Variants in HIF1AN observed in about 807,000 individuals in gnomAD.
The protein encoded by HIF1AN is hypoxia-inducible factor 1-alpha inhibitor.
HIF1AN carries 21 observed loss-of-function variants against 47.7 expected under a neutral mutation model. The observed-to-expected ratio is 0.44, with a 90% CI of 0.31 to 0.63. The LOEUF (loss-of-function observed/expected upper bound fraction) is 0.63. HIF1AN is among the 30% of genes least tolerant of loss of function. The pLI is 0.07. For synonymous variants in HIF1AN, 152 were observed against 155.9 expected (o/e 0.98, Z 0.18); for missense variants, 320 against 432.7 (o/e 0.74, Z 2.31).
chr10:100,556,934 C>G lies in HIF1AN; in HGVS notation c.*8797C>G, dbSNP rs757280165. ...GTTTCCTTAGTGTCTGGAGAGACTA[C>G]AGCAGCAAGGCTTTTCTGATCCTAC... On this transcript the variant is annotated 3_prime_UTR_variant, in exon 8 of 8. Coordinates refer to ENST00000299163, the MANE Select transcript of HIF1AN (RefSeq NM_017902.3). 6.6e-6 allele frequency: 1 copy of G among 152,200 alleles called. No homozygotes were observed. The highest frequency in any genetic ancestry group is 1.5e-5 in the Non-Finnish European group (1 of 68,030). 9.4% of individuals were successfully genotyped at this position (152,200 alleles called of 1,614,324 possible).
rs1440578686 is a variant in HIF1AN at position 100,545,024 on chromosome 10, C to A, written c.651C>A (p.Ile217=). Residue 217 remains isoleucine (I), a synonymous_variant, in exon 4 of 8, where the codon ATC becomes ATA. Transcript: ENST00000299163. ...AGATAAAAGGTTACAAACGATGCAT[C>A]TTATTCCCTCCGGATCAGTTCGAGT... The part of the protein sequence containing the change: ...FAQIKGYKRC[I]LFPPDQFECL... The A allele has an allele frequency of 6.2e-7, 1 of 1,614,088 alleles. No homozygotes were observed. Among genetic ancestry groups the A allele is most frequent in the Non-Finnish European group, 8.5e-7 (1 of 1,180,028 alleles).
chr10:100,543,335 G>A (rs1043506816), intron 3 of HIF1AN, among the ~76,000 whole-genome samples: 2 of 152,064 alleles, frequency 1.3e-5, no homozygotes, highest in South Asian at 2.1e-4. Flanking sequence ...GACTACAGGC[G>A]TAAGCCACCA....
intron 1 of HIF1AN, 75 bp from the exon 2 acceptor site, chr10:100,536,336 G>T: frequency 6.5e-7 from 1 of 1,538,520 alleles, no homozygotes; most frequent in Non-Finnish European, 8.9e-7. Flanking sequence ...AGAAGTAGTT[G>T]GGATCATGGA....
At position 100,540,850 on chromosome 10, in the gene HIF1AN, C is replaced by T. The variant is rs547775565; in HGVS notation, c.577+68C>T. 330 of 1,351,838 alleles carry T rather than the reference C, an allele frequency of 2.4e-4. 2 individuals carry two copies. In the South Asian group the frequency reaches 3.9e-3, roughly 16 times the overall value. The allele number at this position is 1,351,838 out of a possible 1,614,324, so 83.7% of individuals were successfully genotyped here. A position where few individuals can be genotyped will look rare whatever the true frequency, so the allele number is the denominator to read the frequency against. ...ACCTGATTTCTAATCCTGTCTTCAC[C>T]GCTTATTAGCTCCATGACTTTGAAC... On this transcript the variant is annotated intron_variant, in intron 3 of 7. Coordinates refer to ENST00000299163, the MANE Select transcript of HIF1AN (RefSeq NM_017902.3).
At chr10:100,536,234 G>T in intron 1 of HIF1AN, 99 bp downstream of exon 1, 1 of 1,343,714 alleles carries the variant, frequency 7.4e-7, no homozygotes, top group South Asian at 1.4e-5. Context: ...CAGGGCTCTA[G>T]ACTAGGGCCT....
At chr10:100,539,500 G>A (rs1842998888) in intron 2 of HIF1AN, among the ~76,000 whole-genome samples, 1 of 152,214 alleles carries the variant, frequency 6.6e-6, no homozygotes, top group Non-Finnish European at 1.5e-5. Context: ...TCAAGCCAGA[G>A]CTCGGGCTAG....
rs749421411 is a variant in HIF1AN at position 100,536,080 on chromosome 10, C to T, written c.122C>T (p.Pro41Leu). The change falls in exon 1 of 8, where the codon CCC becomes CTC. Residue 41 changes from proline to leucine, a missense_variant. Pro to Leu is a moderately conservative substitution (Grantham distance 98). Around this residue, in one of 2 missense-constraint regions of HIF1AN, gnomAD observed 159 missense variants for 159.9 expected, o/e 0.99. Transcript: ENST00000299163. ...QLRSYSFPTR[P>L]IPRLSQSDPR... is the part of the protein sequence containing the mutation. ...CGCAGTTATAGCTTCCCGACTAGGCCCATTCCGCGTCTGAGTCAGAGCGAC... is the reference window on the plus strand; with the variant it reads ...CGCAGTTATAGCTTCCCGACTAGGCTCATTCCGCGTCTGAGTCAGAGCGAC... 6.2e-7 allele frequency: 1 copy of T among 1,611,434 alleles called. No individual in the cohort carries two copies.
At chr10:100,536,195 G>A (rs939360979) in intron 1 of HIF1AN, 60 bp downstream of exon 1, 2 of 1,479,116 alleles carry the variant, frequency 1.4e-6, no homozygotes, top group Non-Finnish European at 1.8e-6. Context: ...AGAGGTCAGA[G>A]GTGAATGGTG....
rs1389769921 is a variant in HIF1AN at position 100,559,209 on chromosome 10, G to C, written c.*11072G>C. The C allele has an allele frequency of 6.6e-6, 1 of 152,088 alleles. No individual in the cohort carries two copies. 9.4% of individuals were successfully genotyped at this position (152,088 alleles called of 1,614,324 possible). On this transcript the variant is annotated 3_prime_UTR_variant, in exon 8 of 8. Coordinates refer to ENST00000299163, the MANE Select transcript of HIF1AN (RefSeq NM_017902.3). Reference sequence around the variant, plus strand: ...ATTGGAAATATAAGTACTTGATCAGGTTTTGTCTTGGTCAGATAAATTAAG... The same window carrying C: ...ATTGGAAATATAAGTACTTGATCAGCTTTTGTCTTGGTCAGATAAATTAAG...
chr10:100,547,715 A>G (rs1231770621), intron 7 of HIF1AN, among the ~76,000 whole-genome samples: 1 of 152,200 alleles, frequency 6.6e-6, no homozygotes, highest in Non-Finnish European at 1.5e-5. Flanking sequence ...GTTGGGAGAT[A>G]GCATCAGCCC....
chr10:100,544,859 C>A, intron 3 of HIF1AN, 92 bp from the exon 4 acceptor site: 1 of 1,199,880 alleles, frequency 8.3e-7, no homozygotes, highest in Non-Finnish European at 1.2e-6. Flanking sequence ...GCTGGGAGGG[C>A]AGGCTGGGTT....
intron 2 of HIF1AN, 48 bp from the exon 3 acceptor site, chr10:100,540,586 G>A (rs1350254849): frequency 6.2e-7 from 1 of 1,606,094 alleles, no homozygotes; most frequent in East Asian, 2.2e-5. Context: ...GCCATGCCAG[G>A]GGCTGTGTGT....
chr10:100,558,489 AATC>A lies in HIF1AN; in HGVS notation c.*10357_*10359del, dbSNP rs1843232555. On this transcript the variant is annotated 3_prime_UTR_variant, in exon 8 of 8. Transcript: ENST00000299163. The stretch of plus-strand genomic sequence containing the variant: ...GGTTCACCTAGAAATAAAAAGCAGA[AATC>A]ATCAAGATGAGAAGACATTTTGTGT... 1 of 152,172 alleles carries A rather than the reference AATC, an allele frequency of 6.6e-6. No individual in the cohort carries two copies. The highest frequency in any genetic ancestry group is 2.4e-5 in the African/African-American group (1 of 41,440). 9.4% of individuals were successfully genotyped at this position (152,172 alleles called of 1,614,324 possible). A position where few individuals can be genotyped will look rare whatever the true frequency, so the allele number is the denominator to read the frequency against.
chr10:100,541,042 G>A lies in HIF1AN; in HGVS notation c.577+260G>A, dbSNP rs139769291. On this transcript the variant is annotated intron_variant, in intron 3 of 7. Coordinates refer to ENST00000299163, the MANE Select transcript of HIF1AN (RefSeq NM_017902.3). ...ATCCCGGCCAACATCATGAAACCCC[G>A]TCTCTACTAAAATACAAAGAAAACA... is the stretch of plus-strand genomic sequence containing the variant. 6.9e-3 allele frequency among the ~76,000 whole-genome samples: 1,042 copies of A among 151,834 alleles called. 12 individuals carry two copies. Among genetic ancestry groups the A allele is most frequent in the African/African-American group, 0.023 (971 of 41,392 alleles).
At chr10:100,547,080 G>A (rs981206487) in intron 6 of HIF1AN, 60 bp from the exon 7 acceptor site, 2 of 1,214,630 alleles carry the variant, frequency 1.6e-6, no homozygotes, top group African/African-American at 3.0e-5. Context: ...ACTAAGAACA[G>A]TAGAGTGACA....
intron 7 of HIF1AN, 37 bp downstream of exon 7, chr10:100,547,287 T>G (rs752300585): frequency 2.3e-6 from 3 of 1,325,170 alleles, no homozygotes; most frequent in South Asian, 1.2e-5. Flanking sequence ...GTGGGTGGGT[T>G]GACCAAGGAA....
At chr10:100,547,910 A>G (rs748511070) in intron 7 of HIF1AN, among the ~76,000 whole-genome samples, 183 bp from the exon 8 acceptor site, 4 of 152,168 alleles carry the variant, frequency 2.6e-5, no homozygotes, top group Non-Finnish European at 5.9e-5. Context: ...CCCCTGAGGG[A>G]AAGACTATGT....
At chr10:100,545,255 T>C (rs935556296) in intron 4 of HIF1AN, 159 bp downstream of exon 4, 3 of 719,124 alleles carry the variant, frequency 4.2e-6, no homozygotes, top group Non-Finnish European at 6.6e-6. Flanking sequence ...AGCTCACATA[T>C]TCCAGGCTCC....
Position 100,545,032 on chromosome 10 carries a change from C to G in HIF1AN, c.659C>G (p.Pro220Arg), listed in dbSNP as rs1843080503. 2 of 1,614,100 alleles carry G rather than the reference C, an allele frequency of 1.2e-6. No homozygotes were observed. The highest frequency in any genetic ancestry group is 2.7e-5 in the African/African-American group (2 of 74,940). ...GGTTACAAACGATGCATCTTATTCC[C>G]TCCGGATCAGTTCGAGTGCCTCTAC... ...IKGYKRCILF[P>R]PDQFECLYPY... The change falls in exon 4 of 8, where the codon CCT (proline) becomes CGT (arginine). Residue 220 changes from proline to arginine, a missense_variant. By Grantham distance (103) the Pro-to-Arg change is moderately radical. This residue lies in a region of HIF1AN where 161 missense variants were observed against 272.8 expected (regional missense o/e 0.59). Coordinates refer to ENST00000299163, the MANE Select transcript of HIF1AN (RefSeq NM_017902.3).
Sources: gnomAD v4.1 joint callset for allele counts (sites outside exome capture counted in the v4.1 genomes callset) on GRCh38, gnomAD v4.1.1 for gene constraint, gnomAD v4.1.1 regional missense constraint, MANE v1.5 for transcripts, NCBI Gene and HGNC (gene_info 2026-07-23, HGNC 2026-07-21) for gene names.